GAB1: variants seen among roughly 807,000 people sequenced by gnomAD.
GAB1 encodes GRB2 associated binding protein 1.
In GAB1, 19 loss-of-function variants were observed where a neutral mutation model predicts 66.5. The observed-to-expected ratio is 0.29, with a 90% CI of 0.20 to 0.42. The LOEUF (loss-of-function observed/expected upper bound fraction) is 0.42, where lower values mean the gene tolerates loss of function less well. Among genes scored for constraint, GAB1 ranks in the 10% least tolerant of loss-of-function variants. The pLI is 1.00. For missense variants in GAB1, 732 were observed against 858.5 expected (o/e 0.85, Z 1.84); for synonymous variants, 294 against 301.4 (o/e 0.98, Z 0.25).
intron 1 of GAB1, among the ~76,000 whole-genome samples, chr4:143,352,878 G>T (rs548352546): frequency 6.6e-6 from 1 of 152,294 alleles, no homozygotes; most frequent in South Asian, 2.1e-4. Flanking sequence ...AAAGATAAGC[G>T]TTTAGTTTTT....
intron 1 of GAB1, among the ~76,000 whole-genome samples, chr4:143,385,261 TATGAAA>T (rs1472646420): frequency 2.6e-5 from 4 of 152,226 alleles, no homozygotes; most frequent in Non-Finnish European, 5.9e-5. Context: ...AATTAGTTCC[TATGAAA>T]ATGATAGATT....
chr4:143,416,058 T>C (rs1327994503), intron 2 of GAB1, among the ~76,000 whole-genome samples: 3 of 152,172 alleles, frequency 2.0e-5, no homozygotes, highest in Admixed American at 2.0e-4. Context: ...AATATAAATA[T>C]TCAGTTTAAC....
At chr4:143,457,339 G>A (rs756784630) in intron 6 of GAB1, among the ~76,000 whole-genome samples, 2 of 152,182 alleles carry the variant, frequency 1.3e-5, no homozygotes, top group Non-Finnish European at 2.9e-5. Context: ...TCTAAGACAT[G>A]TTAGAAGAAA....
chr4:143,425,116 C>T (rs1733263827), intron 2 of GAB1: 1 of 848,992 alleles, frequency 1.2e-6, no homozygotes, highest in Admixed American at 1.7e-5. Context: ...GCAGCAGGAA[C>T]CCACTTAGGT....
At chr4:143,395,062 G>T (rs193116431) in intron 1 of GAB1, 1 of 152,218 alleles carries the variant, frequency 6.6e-6, no homozygotes, top group Non-Finnish European at 1.5e-5. Context: ...CATAGGGACT[G>T]TGTTAAGAAT....
At chr4:143,416,076 C>T (rs1732665446) in intron 2 of GAB1, among the ~76,000 whole-genome samples, 1 of 152,140 alleles carries the variant, frequency 6.6e-6, no homozygotes, top group Non-Finnish European at 1.5e-5. Flanking sequence ...AACCATATAA[C>T]ACTGTTGATA....
chr4:143,369,873 A>C (rs1730044259), intron 1 of GAB1, among the ~76,000 whole-genome samples: 1 of 152,266 alleles, frequency 6.6e-6, no homozygotes, highest in Non-Finnish European at 1.5e-5. Flanking sequence ...AACTGGCTTC[A>C]AATAAGCAAA....
At chr4:143,348,048 C>T (rs1439849230) in intron 1 of GAB1, among the ~76,000 whole-genome samples, 1 of 152,124 alleles carries the variant, frequency 6.6e-6, no homozygotes, top group African/African-American at 2.4e-5. Context: ...CCTGGTTGGT[C>T]TCCTCCTCTT....
chr4:143,391,282 T>C (rs1022009855), intron 1 of GAB1, among the ~76,000 whole-genome samples: 2 of 152,136 alleles, frequency 1.3e-5, no homozygotes, highest in African/African-American at 4.8e-5. Context: ...CTCCCATAAG[T>C]GTTATTTTTA....
chr4:143,359,375 C>G (rs1303050867), intron 1 of GAB1, among the ~76,000 whole-genome samples: 1 of 152,056 alleles, frequency 6.6e-6, no homozygotes, highest in Admixed American at 6.5e-5. Flanking sequence ...AACAAAAAAC[C>G]CACGGAAGCA....
intron 6 of GAB1, among the ~76,000 whole-genome samples, chr4:143,457,170 A>C (rs1271433987): frequency 1.3e-5 from 2 of 152,208 alleles, no homozygotes; most frequent in African/African-American, 2.4e-5. Flanking sequence ...GTGCAGGAAT[A>C]GATTAAGGTT....
At chr4:143,369,845 T>A (rs1510880) in intron 1 of GAB1, among the ~76,000 whole-genome samples, 76,942 of 152,172 alleles carry the variant, frequency 0.51, 20,392 homozygotes, top group African/African-American at 0.66. Flanking sequence ...TCTCCCCATC[T>A]TTATAACTGC....
At chr4:143,407,679 A>T (rs1321920951) in intron 1 of GAB1, among the ~76,000 whole-genome samples, 1 of 152,196 alleles carries the variant, frequency 6.6e-6, no homozygotes, top group African/African-American at 2.4e-5. Context: ...TGTTTGGAAC[A>T]GATGATCATA....
chr4:143,427,407 G>A (rs995659694), intron 2 of GAB1, among the ~76,000 whole-genome samples: 1 of 152,122 alleles, frequency 6.6e-6, no homozygotes, highest in Non-Finnish European at 1.5e-5. Flanking sequence ...GCCTGAAGGC[G>A]AGAATAGACA....
intron 1 of GAB1, among the ~76,000 whole-genome samples, chr4:143,389,487 A>G (rs1246342704): frequency 6.6e-6 from 1 of 152,228 alleles, no homozygotes; most frequent in Admixed American, 6.5e-5. Context: ...AGCATAAAAT[A>G]TAGTAGTGCT....
chr4:143,468,251 G>A (rs974821797), intron 9 of GAB1, among the ~76,000 whole-genome samples: 1 of 110,834 alleles, frequency 9.0e-6, no homozygotes, highest in Non-Finnish European at 1.7e-5. Context: ...GTCTTGCTCT[G>A]TTGCCCAGGC....
At chr4:143,405,404 A>AT (rs2149705329) in intron 1 of GAB1, among the ~76,000 whole-genome samples, 1 of 152,292 alleles carries the variant, frequency 6.6e-6, no homozygotes, top group South Asian at 2.1e-4. Flanking sequence ...TTATTCCCTG[A>AT]TTAAGTTAGT....
chr4:143,424,615 T>C (rs1733223445), intron 2 of GAB1: 1 of 155,506 alleles, frequency 6.4e-6, no homozygotes, highest in African/African-American at 2.4e-5. Flanking sequence ...ATTATGGCAT[T>C]ATGTCATATA....
intron 1 of GAB1, among the ~76,000 whole-genome samples, chr4:143,403,511 T>G (rs189445645): frequency 6.6e-6 from 1 of 152,286 alleles, no homozygotes; most frequent in East Asian, 1.9e-4. Flanking sequence ...AAGAAATAAA[T>G]AGGCAATCGT....
Sources: allele counts gnomAD v4.1 joint callset (sites outside exome capture counted in the v4.1 genomes callset), GRCh38; gene constraint gnomAD v4.1.1; transcripts MANE v1.5; gene names NCBI Gene and HGNC (gene_info 2026-07-23, HGNC 2026-07-21).